RAP1GDS1: variants seen among roughly 807,000 people sequenced by gnomAD.
The protein encoded by RAP1GDS1 is Rap1 GTPase-GDP dissociation stimulator 1, also known as RAP1, GTP-GDP dissociation stimulator 1.
In RAP1GDS1, 35 loss-of-function variants were observed where a neutral mutation model predicts 71.1. That is an observed-to-expected ratio of 0.49 (90% CI 0.38 to 0.65). The LOEUF (loss-of-function observed/expected upper bound fraction) is 0.65. RAP1GDS1 is among the 30% of genes least tolerant of loss of function. The probability of loss-of-function intolerance (pLI) is 0.00; values close to 1 mark genes in which losing one functional copy is unlikely to be tolerated. For missense variants in RAP1GDS1, 663 were observed against 706.1 expected, an observed-to-expected ratio of 0.94 and a Z score of 0.69; for synonymous variants, 229 against 243.1, an observed-to-expected ratio of 0.94 and a Z score of 0.54.
chr4:98,382,082 T>C (rs1742102448), intron 5 of RAP1GDS1, among the ~76,000 whole-genome samples: 1 of 151,596 alleles, frequency 6.6e-6, no homozygotes, highest in Non-Finnish European at 1.5e-5. Context: ...GTCATTTTTG[T>C]ACCATTTGCT....
At chr4:98,441,337 A>G (rs1243959713) in intron 14 of RAP1GDS1, 2 of 983,708 alleles carry the variant, frequency 2.0e-6, no homozygotes, top group Non-Finnish European at 2.4e-6. Flanking sequence ...TAGAGAAAGC[A>G]AGTCAGAAAG....
chr4:98,376,144 T>G (rs1014756106), intron 4 of RAP1GDS1, among the ~76,000 whole-genome samples: 1 of 152,122 alleles, frequency 6.6e-6, no homozygotes, highest in African/African-American at 2.4e-5. Flanking sequence ...AAGGATTTAA[T>G]AGGACTTTAA....
At chr4:98,383,138 T>C (rs1413822183) in intron 5 of RAP1GDS1, among the ~76,000 whole-genome samples, 1 of 151,686 alleles carries the variant, frequency 6.6e-6, no homozygotes, top group Non-Finnish European at 1.5e-5. Context: ...TCAATAAATA[T>C]CTCATGGAAG....
chr4:98,421,023 G>A lies in RAP1GDS1; in HGVS notation c.1301-232G>A, dbSNP rs182677841. On this transcript the variant is annotated intron_variant, in intron 11 of 14. Transcript: ENST00000408927. ...CCGCCAGAGCACTAACAGACTAGCA[G>A]GCTTAACCAAAAGAGTATGAAGTCA... 3.5e-4 allele frequency among the ~76,000 whole-genome samples: 53 copies of A among 152,268 alleles called. No individual in the cohort carries two copies. In the East Asian group the frequency reaches 9.3e-3, roughly 27 times the overall value.
chr4:98,295,142 G>C lies in RAP1GDS1; in HGVS notation c.112+1627G>C, dbSNP rs115257605. On this transcript the variant is annotated intron_variant, in intron 2 of 14. Coordinates refer to ENST00000408927, the MANE Select transcript of RAP1GDS1 (RefSeq NM_001100427.2). ...AAAGTGTATAGCTTTTAAAAGAACAGATTTAAGAAACACTGAGAAGTTCAT... is the reference window on the plus strand; with the variant it reads ...AAAGTGTATAGCTTTTAAAAGAACACATTTAAGAAACACTGAGAAGTTCAT... 3.8e-3 allele frequency among the ~76,000 whole-genome samples: 582 copies of C among 152,142 alleles called. 1 individual carries two copies. Among genetic ancestry groups the C allele is most frequent in the Middle Eastern group, 0.014 (4 of 294 alleles).
intron 14 of RAP1GDS1, among the ~76,000 whole-genome samples, 168 bp downstream of exon 14, chr4:98,437,236 A>G (rs1482870516): frequency 6.6e-6 from 1 of 152,218 alleles, no homozygotes; most frequent in Non-Finnish European, 1.5e-5. Context: ...TCATTTCTTC[A>G]TGGTGATGAC....
chr4:98,432,809 C>G (rs1750619296), intron 12 of RAP1GDS1, among the ~76,000 whole-genome samples: 1 of 152,034 alleles, frequency 6.6e-6, no homozygotes, highest in Non-Finnish European at 1.5e-5. Flanking sequence ...AGACCTCCTA[C>G]TAAATCAGAT....
At chr4:98,321,798 C>T (rs917106947) in intron 2 of RAP1GDS1, among the ~76,000 whole-genome samples, 3 of 133,668 alleles carry the variant, frequency 2.2e-5, no homozygotes, top group African/African-American at 8.6e-5. Context: ...ACAACCGGTA[C>T]CACCCGCTGC....
At chr4:98,272,248 A>G (rs1723567891) in intron 1 of RAP1GDS1, among the ~76,000 whole-genome samples, 1 of 152,220 alleles carries the variant, frequency 6.6e-6, no homozygotes, top group Admixed American at 6.5e-5. Context: ...ATCTTTATTA[A>G]TCAAAATAGG....
intron 12 of RAP1GDS1, among the ~76,000 whole-genome samples, chr4:98,422,056 T>C (rs1036213570): frequency 2.6e-5 from 4 of 151,084 alleles, no homozygotes; most frequent in African/African-American, 4.9e-5. Flanking sequence ...AAAAATTAGC[T>C]GGGCGTGGTG....
chr4:98,418,745 A>C lies in RAP1GDS1; in HGVS notation c.1128A>C (p.Thr376=). 6.2e-7 allele frequency: 1 copy of C among 1,611,116 alleles called. No individual in the cohort carries two copies. The highest frequency in any genetic ancestry group is 8.5e-7 in the Non-Finnish European group (1 of 1,178,672). ...GACATGTAGAAGATGGAAATGTAAC[A>C]GTACAGCATGCAGCACTAAGTGCCC... ...LDRHVEDGNV[T]VQHAALSALR... Residue 376 remains threonine (T), a synonymous_variant, in exon 10 of 15, where the codon ACA becomes ACC. Coordinates refer to ENST00000408927, the MANE Select transcript of RAP1GDS1 (RefSeq NM_001100427.2).
At chr4:98,277,437 A>G (rs940229507) in intron 1 of RAP1GDS1, among the ~76,000 whole-genome samples, 1 of 152,130 alleles carries the variant, frequency 6.6e-6, no homozygotes, top group African/African-American at 2.4e-5. Context: ...GAACTTTGCT[A>G]CCTCTTATTT....
At chr4:98,381,876 CAT>C (rs1204153676) in intron 5 of RAP1GDS1, among the ~76,000 whole-genome samples, 1 of 151,458 alleles carries the variant, frequency 6.6e-6, no homozygotes. Context: ...AATCCACCAA[CAT>C]AGTTTCCCTG....
chr4:98,321,124 G>A (rs1731799421), intron 2 of RAP1GDS1, among the ~76,000 whole-genome samples: 1 of 145,920 alleles, frequency 6.9e-6, no homozygotes, highest in Non-Finnish European at 1.5e-5. Context: ...CGTGAAGAAT[G>A]CAGAAGCCTC....
At chr4:98,267,273 AAG>A (rs1191508419) in intron 1 of RAP1GDS1, among the ~76,000 whole-genome samples, 2 of 152,112 alleles carry the variant, frequency 1.3e-5, no homozygotes, top group African/African-American at 4.8e-5. Context: ...ATTGTTTGGA[AAG>A]AGTTTGAGGA....
intron 2 of RAP1GDS1, among the ~76,000 whole-genome samples, chr4:98,311,730 G>A (rs544581372): frequency 1.7e-4 from 26 of 152,258 alleles, no homozygotes; most frequent in African/African-American, 5.1e-4. Context: ...TTGAACCCCC[G>A]CACTCAAGCA....
At chr4:98,397,220 A>T (rs1412721729) in intron 6 of RAP1GDS1, among the ~76,000 whole-genome samples, 4 of 152,178 alleles carry the variant, frequency 2.6e-5, no homozygotes. Flanking sequence ...ATGTGTTTAC[A>T]TAATTTTTCA....
rs555044812 is a variant in RAP1GDS1, at chr4:98,295,303, A to G, written c.112+1788A>G. Among the ~76,000 whole-genome samples the G allele has an allele frequency of 1.6e-4, 25 of 152,248 alleles. No homozygotes were observed. In the South Asian group the frequency reaches 1.9e-3, roughly 11 times the overall value. On this transcript the variant is annotated intron_variant, in intron 2 of 14. Coordinates refer to ENST00000408927, the MANE Select transcript of RAP1GDS1 (RefSeq NM_001100427.2). ...CACGTAACCACAAGGTATTAAAACA[A>G]TAAACTCTCACCAATTTAACTAATG...
chr4:98,425,603 T>C (rs1316234925), intron 12 of RAP1GDS1, among the ~76,000 whole-genome samples: 2 of 152,134 alleles, frequency 1.3e-5, no homozygotes, highest in Non-Finnish European at 2.9e-5. Context: ...AAACAAACTT[T>C]AAAGAAACAG....
Sources: allele counts gnomAD v4.1 joint callset (sites outside exome capture counted in the v4.1 genomes callset), GRCh38; gene constraint gnomAD v4.1.1; transcripts MANE v1.5; gene names NCBI Gene and HGNC (gene_info 2026-07-23, HGNC 2026-07-21).